The following SLC44A5 variants were observed in gnomAD, a reference collection of about 807,000 sequenced individuals.
SLC44A5 encodes solute carrier family 44 member 5.
A neutral mutation model predicts 101.8 loss-of-function variants in SLC44A5; 57 were observed. The ratio of observed to expected loss-of-function variants is 0.56; its 90% CI spans 0.45 to 0.70. The LOEUF is 0.70. Ranked by LOEUF, SLC44A5 falls within the 30% of genes least tolerant of loss-of-function variation. The pLI, the probability that SLC44A5 is intolerant of heterozygous loss-of-function variation, is 0.00. For synonymous variants in SLC44A5, 281 were observed against 290.9 expected (o/e 0.97, Z 0.35); for missense variants, 737 against 853.1 (o/e 0.86, Z 1.70).
intron 2 of SLC44A5, among the ~76,000 whole-genome samples, chr1:75,485,733 G>A (rs143245634): frequency 1.9e-3 from 284 of 152,274 alleles, no homozygotes; most frequent in African/African-American, 6.2e-3. Flanking sequence ...CTACCTGAGA[G>A]TGGGTAATTT....
intron 2 of SLC44A5, among the ~76,000 whole-genome samples, chr1:75,419,000 T>C: frequency 6.6e-6 from 1 of 152,114 alleles, no homozygotes; most frequent in Non-Finnish European, 1.5e-5. Flanking sequence ...CTGGAAGTAG[T>C]GTCCAGGCCA....
intron 21 of SLC44A5, 51 bp from the exon 22 acceptor site, chr1:75,213,844 GT>G (rs1238601313): frequency 6.5e-7 from 1 of 1,535,282 alleles, no homozygotes; most frequent in African/African-American, 1.4e-5. Flanking sequence ...AAAGAATATA[GT>G]TTTTTGTAGT....
At chr1:75,418,465 G>T (rs940118316) in intron 2 of SLC44A5, among the ~76,000 whole-genome samples, 9 of 152,182 alleles carry the variant, frequency 5.9e-5, no homozygotes, top group African/African-American at 2.2e-4. Context: ...GAAGTGTTCA[G>T]GGGGTAAAAA....
chr1:75,430,487 G>C (rs1441371116), intron 2 of SLC44A5, among the ~76,000 whole-genome samples: 2 of 152,214 alleles, frequency 1.3e-5, no homozygotes, highest in Non-Finnish European at 2.9e-5. Flanking sequence ...TCCTGAAACA[G>C]TATGATGTGG....
intron 2 of SLC44A5, among the ~76,000 whole-genome samples, chr1:75,458,901 G>T (rs1258782294): frequency 1.3e-5 from 2 of 152,102 alleles, no homozygotes; most frequent in East Asian, 1.9e-4. Flanking sequence ...GTTTGTTTTT[G>T]AATATAATGA....
chr1:75,290,203 G>A (rs1192610517), intron 5 of SLC44A5, among the ~76,000 whole-genome samples: 1 of 152,140 alleles, frequency 6.6e-6, no homozygotes, highest in Non-Finnish European at 1.5e-5. Flanking sequence ...AGAAGTAGCT[G>A]GCATAATGGA....
chr1:75,423,226 C>G (rs997715959), intron 2 of SLC44A5, among the ~76,000 whole-genome samples: 2 of 152,138 alleles, frequency 1.3e-5, no homozygotes, highest in Admixed American at 1.3e-4. Flanking sequence ...ATACATACAC[C>G]GTGAAACAAC....
At chr1:75,708,672 G>A in the SLC44A5 span, among the ~76,000 whole-genome samples, 1,409 of 151,984 alleles carry the variant, frequency 9.3e-3, 15 homozygotes, top group African/African-American at 0.032. Flanking sequence ...CTTTATGGGG[G>A]AAATGTTCAT....
the SLC44A5 span, among the ~76,000 whole-genome samples, chr1:75,694,402 G>A: frequency 7.9e-5 from 12 of 151,838 alleles, no homozygotes; most frequent in African/African-American, 2.9e-4. Flanking sequence ...GGGAGCCATT[G>A]GTACATGTTA....
At chr1:75,685,687 A>T in the SLC44A5 span, among the ~76,000 whole-genome samples, 2 of 152,086 alleles carry the variant, frequency 1.3e-5, no homozygotes, top group African/African-American at 4.8e-5. Flanking sequence ...GGGAAGTTCC[A>T]AACTTTCCCA....
At chr1:75,241,908 G>C (rs1648663049) in intron 9 of SLC44A5, 93 bp downstream of exon 9, 2 of 1,091,910 alleles carry the variant, frequency 1.8e-6, no homozygotes, top group African/African-American at 1.6e-5. Context: ...GACCATTCTT[G>C]GCCTCAGTCT....
At chr1:75,697,423 G>T in the SLC44A5 span, among the ~76,000 whole-genome samples, 4 of 152,110 alleles carry the variant, frequency 2.6e-5, no homozygotes, top group Admixed American at 6.6e-5. Flanking sequence ...ATAATCAGAA[G>T]GTATAAGAAT....
At chr1:75,588,222 AGGAG>A (rs1159146641) in intron 1 of SLC44A5, among the ~76,000 whole-genome samples, 2 of 128,524 alleles carry the variant, frequency 1.6e-5, no homozygotes, top group Non-Finnish European at 3.2e-5. Flanking sequence ...GAAGGAAGGA[AGGAG>A]GGAGGGAGGG....
the SLC44A5 span, among the ~76,000 whole-genome samples, chr1:75,673,865 T>A: frequency 6.6e-6 from 1 of 152,104 alleles, no homozygotes; most frequent in African/African-American, 2.4e-5. Context: ...GAGCTTGGGG[T>A]CTCATAATGC....
At chr1:75,330,557 T>A (rs1046020114) in intron 4 of SLC44A5, among the ~76,000 whole-genome samples, 1 of 152,186 alleles carries the variant, frequency 6.6e-6, no homozygotes, top group African/African-American at 2.4e-5. Context: ...TTTAGGACTT[T>A]GTCTCCATAA....
the SLC44A5 span, among the ~76,000 whole-genome samples, chr1:75,718,458 G>A: frequency 6.6e-6 from 1 of 152,154 alleles, no homozygotes; most frequent in South Asian, 2.1e-4. Flanking sequence ...CCTTGGAATG[G>A]GACATTAACA....
intron 1 of SLC44A5, among the ~76,000 whole-genome samples, chr1:75,604,486 G>C (rs1045634144): frequency 6.6e-6 from 1 of 151,964 alleles, no homozygotes; most frequent in Non-Finnish European, 1.5e-5. Flanking sequence ...GGATTACTTT[G>C]CCTATTTGGG....
the SLC44A5 span, chr1:75,641,909 A>T: frequency 1.2e-6 from 2 of 1,604,352 alleles, no homozygotes; most frequent in Admixed American, 1.7e-5. Flanking sequence ...AATTTCCTTC[A>T]TTGGTTTGGA....
At chr1:75,696,201 T>C in the SLC44A5 span, among the ~76,000 whole-genome samples, 1 of 152,172 alleles carries the variant, frequency 6.6e-6, no homozygotes, top group African/African-American at 2.4e-5. Flanking sequence ...GGAACACTGC[T>C]TATTGTTGTG....
Sources: gnomAD v4.1 joint callset for allele counts (sites outside exome capture counted in the v4.1 genomes callset) on GRCh38, gnomAD v4.1.1 for gene constraint, MANE v1.5 for transcripts, NCBI Gene and HGNC (gene_info 2026-07-23, HGNC 2026-07-21) for gene names.